JARID2: variants seen among roughly 807,000 people sequenced by gnomAD.
JARID2 encodes jumonji and AT-rich interaction domain containing 2.
In JARID2, 21 loss-of-function variants were observed where a neutral mutation model predicts 125.6. That is an observed-to-expected ratio of 0.17 (90% CI 0.12 to 0.24). JARID2 has a LOEUF of 0.24. Among genes scored for constraint, JARID2 ranks in the 10% least tolerant of loss-of-function variants. The probability of loss-of-function intolerance (pLI) is 1.00; values close to 1 mark genes in which losing one functional copy is unlikely to be tolerated. For missense variants in JARID2, 1,303 were observed against 1,639.6 expected (o/e 0.79, Z 3.55); for synonymous variants, 736 against 661.6 (o/e 1.11, Z -1.73).
intron 1 of JARID2, among the ~76,000 whole-genome samples, chr6:15,279,965 C>T (rs1233095092): frequency 1.3e-5 from 2 of 152,264 alleles, no homozygotes; most frequent in Middle Eastern, 3.4e-3. Flanking sequence ...CCCTCACTGA[C>T]TTTATATTTC....
intron 17 of JARID2, 49 bp from the exon 18 acceptor site, chr6:15,520,020 T>C: frequency 6.6e-7 from 1 of 1,515,064 alleles, no homozygotes; most frequent in Non-Finnish European, 8.9e-7. Context: ...GGGACAGAGC[T>C]CTTGTTAATA....
At chr6:15,482,755 A>C (rs1254177508) in intron 5 of JARID2, among the ~76,000 whole-genome samples, 3 of 152,248 alleles carry the variant, frequency 2.0e-5, no homozygotes, top group Non-Finnish European at 4.4e-5. Context: ...AGTTTCCTAC[A>C]GGTCAGTTGC....
At chr6:15,257,988 C>T (rs2127313315) in intron 1 of JARID2, among the ~76,000 whole-genome samples, 1 of 152,302 alleles carries the variant, frequency 6.6e-6, no homozygotes, top group East Asian at 1.9e-4. Flanking sequence ...GGTAATTGTA[C>T]AATGATGTTC....
intron 3 of JARID2, among the ~76,000 whole-genome samples, chr6:15,450,850 A>G (rs1767890226): frequency 6.6e-6 from 1 of 152,220 alleles, no homozygotes; most frequent in African/African-American, 2.4e-5. Context: ...CTACTGTGTT[A>G]AAAAAGAACA....
intron 2 of JARID2, among the ~76,000 whole-genome samples, chr6:15,406,304 AACGCCT>A (rs1203022110): frequency 6.6e-6 from 1 of 152,122 alleles, no homozygotes; most frequent in Admixed American, 6.5e-5. Context: ...CGTGGTAGCG[AACGCCT>A]ATAGTCCCAG....
At chr6:15,458,245 G>A (rs1768279775) in intron 4 of JARID2, among the ~76,000 whole-genome samples, 3 of 152,152 alleles carry the variant, frequency 2.0e-5, no homozygotes, top group Non-Finnish European at 4.4e-5. Context: ...CAGAGCACTG[G>A]CAGGTTAAAT....
At chr6:15,507,607 A>C (rs1050854138) in intron 11 of JARID2, among the ~76,000 whole-genome samples, 191 bp downstream of exon 11, 3 of 152,202 alleles carry the variant, frequency 2.0e-5, no homozygotes, top group Non-Finnish European at 4.4e-5. Flanking sequence ...GTCAGTAGAA[A>C]AGGTGGAAAG....
chr6:15,352,846 C>G (rs1763476093), intron 1 of JARID2, among the ~76,000 whole-genome samples: 1 of 152,182 alleles, frequency 6.6e-6, no homozygotes, highest in African/African-American at 2.4e-5. Flanking sequence ...CACGAGGTTA[C>G]TTATTACAGC....
chr6:15,292,883 G>A (rs1308886415), intron 1 of JARID2, among the ~76,000 whole-genome samples: 1 of 152,034 alleles, frequency 6.6e-6, no homozygotes, highest in Non-Finnish European at 1.5e-5. Flanking sequence ...TGTCTAATCT[G>A]GTATTGAACT....
chr6:15,323,856 C>CTCCA (rs748203145), intron 1 of JARID2, among the ~76,000 whole-genome samples: 4 of 151,836 alleles, frequency 2.6e-5, no homozygotes, highest in Non-Finnish European at 4.4e-5. Context: ...CGCCACTGTA[C>CTCCA]TCCAGCCTGG....
At chr6:15,303,444 T>C (rs7751800) in intron 1 of JARID2, among the ~76,000 whole-genome samples, 19,707 of 152,296 alleles carry the variant, frequency 0.13, 1,811 homozygotes, top group African/African-American at 0.26. Context: ...GCCAGAGGCT[T>C]ATTGCCTCTC....
intron 6 of JARID2, among the ~76,000 whole-genome samples, chr6:15,488,694 G>T (rs1020331996): frequency 1.2e-4 from 19 of 152,254 alleles, no homozygotes; most frequent in Admixed American, 9.2e-4. Flanking sequence ...TCACACATAG[G>T]CAGACAGGTA....
rs1280483144 is a variant in JARID2 at position 15,246,595 on chromosome 6, C to T, written c.45+11C>T. 1.9e-6 allele frequency: 3 copies of T among 1,607,006 alleles called. No homozygotes were observed. The highest frequency in any genetic ancestry group is 1.7e-6 in the Non-Finnish European group (2 of 1,173,682). ...ATTCAGAAGAAATACGTAAGTGCTC[C>T]TAACAACACATCCTTTGACTTGCAG... On this transcript the variant is annotated intron_variant, in intron 1 of 17. Coordinates refer to ENST00000341776, the MANE Select transcript of JARID2 (RefSeq NM_004973.4).
At position 15,515,758 on chromosome 6, in the gene JARID2, A is replaced by C. The variant is rs568461461; in HGVS notation, c.3451-1403A>C. The stretch of plus-strand genomic sequence containing the variant: ...AGTGACAACCTGTCTCTTTAAAAAA[A>C]AAAAACAAAAACAAAAACCAGGCAC... On this transcript the variant is annotated intron_variant, in intron 16 of 17. Transcript: ENST00000341776. 3.3e-3 allele frequency among the ~76,000 whole-genome samples: 493 copies of C among 151,014 alleles called. 4 individuals are homozygous for C. The highest frequency in any genetic ancestry group is 0.011 in the African/African-American group (463 of 41,398).
At chr6:15,436,230 C>T (rs944834301) in intron 3 of JARID2, among the ~76,000 whole-genome samples, 3 of 152,158 alleles carry the variant, frequency 2.0e-5, no homozygotes, top group Non-Finnish European at 4.4e-5. Context: ...TCAGAAGAAT[C>T]GGATCACACG....
intron 3 of JARID2, among the ~76,000 whole-genome samples, chr6:15,425,164 A>G (rs1417539653): frequency 6.6e-6 from 1 of 152,218 alleles, no homozygotes; most frequent in Non-Finnish European, 1.5e-5. Flanking sequence ...GATGACAAAC[A>G]GAGAATAGTA....
rs552853129 is a variant in JARID2, at chr6:15,469,175, A to G, written c.670+457A>G. 3.4e-4 allele frequency among the ~76,000 whole-genome samples: 51 copies of G among 151,812 alleles called. 1 individual carries two copies. The highest frequency in any genetic ancestry group is 3.4e-3 in the Middle Eastern group (1 of 294). On this transcript the variant is annotated intron_variant, in intron 5 of 17. Coordinates refer to ENST00000341776, the MANE Select transcript of JARID2 (RefSeq NM_004973.4). ...TGTATAGTGTGGAGGAGGAGGATAA[A>G]AGGCAGGAACAATAGCTTGAGTATC...
intron 5 of JARID2, among the ~76,000 whole-genome samples, chr6:15,486,106 T>TA (rs1163040090): frequency 6.6e-6 from 1 of 152,160 alleles, no homozygotes; most frequent in Admixed American, 6.5e-5. Flanking sequence ...GGATGATGGC[T>TA]AAAAGATCAC....
At chr6:15,327,529 GT>G (rs1467969144) in intron 1 of JARID2, among the ~76,000 whole-genome samples, 1 of 6,800 alleles carries the variant, frequency 1.5e-4, no homozygotes, top group Admixed American at 2.8e-3. Context: ...TTCTGGAAGA[GT>G]GTGTGTGTGT....
Sources: gnomAD v4.1 joint callset for allele counts (sites outside exome capture counted in the v4.1 genomes callset) on GRCh38, gnomAD v4.1.1 for gene constraint, MANE v1.5 for transcripts, NCBI Gene and HGNC (gene_info 2026-07-23, HGNC 2026-07-21) for gene names.